ANO4: variants seen among roughly 807,000 people sequenced by gnomAD.
ANO4 encodes the protein anoctamin-4.
A neutral mutation model predicts 141.9 loss-of-function variants in ANO4; 69 were observed. That is an observed-to-expected ratio of 0.49 (90% confidence interval 0.40 to 0.59). The LOEUF is 0.59. ANO4 is among the 20% of genes least tolerant of loss of function. The pLI is 0.00. For missense variants in ANO4, 894 were observed against 1,162.2 expected (o/e 0.77, Z 3.36); for synonymous variants, 350 against 394.3 (o/e 0.89, Z 1.33).
At chr12:100,784,347 C>CT (rs377219945) in intron 3 of ANO4, among the ~76,000 whole-genome samples, 242 of 152,300 alleles carry the variant, frequency 1.6e-3, no homozygotes, top group African/African-American at 5.1e-3. Flanking sequence ...CCCTTGTCCC[C>CT]TTTTGGAACA....
At chr12:101,106,507 A>T (rs1002126034) in intron 22 of ANO4, among the ~76,000 whole-genome samples, 2 of 151,326 alleles carry the variant, frequency 1.3e-5, no homozygotes, top group Non-Finnish European at 2.9e-5. Flanking sequence ...AGGCACAAAA[A>T]TTATTTACAT....
intron 1 of ANO4, among the ~76,000 whole-genome samples, chr12:100,728,103 G>A (rs1222282170): frequency 6.6e-6 from 1 of 151,696 alleles, no homozygotes; most frequent in African/African-American, 2.4e-5. Context: ...ATTTTATATT[G>A]ACAGTAGAGT....
chr12:101,056,777 G>C (rs1230525692), intron 14 of ANO4, among the ~76,000 whole-genome samples: 1 of 151,084 alleles, frequency 6.6e-6, no homozygotes, highest in East Asian at 1.9e-4. Context: ...AGGAACTGAG[G>C]GTTTTAAAAA....
intron 3 of ANO4, among the ~76,000 whole-genome samples, chr12:100,775,098 C>G (rs1480467445): frequency 6.6e-6 from 1 of 152,198 alleles, no homozygotes; most frequent in East Asian, 1.9e-4. Context: ...TAAATCTTCT[C>G]TCCCCAACTG....
intron 1 of ANO4, among the ~76,000 whole-genome samples, chr12:100,803,170 A>G (rs935911762): frequency 1.3e-5 from 2 of 152,180 alleles, no homozygotes; most frequent in East Asian, 3.9e-4. Context: ...TGAGAGGAGC[A>G]GTTTGGGGTG....
intron 1 of ANO4, among the ~76,000 whole-genome samples, chr12:100,802,752 C>T (rs1056922425): frequency 1.2e-4 from 19 of 152,058 alleles, no homozygotes; most frequent in Admixed American, 5.2e-4. Flanking sequence ...TTAGCAAATA[C>T]GAAGCAAGTC....
In ANO4 at chr12:101,116,730, C is replaced by G. The variant is rs1235274384; in HGVS notation, c.2502C>G (p.Asp834Glu). 1 of 1,613,892 alleles carries G rather than the reference C, an allele frequency of 6.2e-7. No homozygotes were observed. Residue 834 changes from aspartate to glutamate, a missense_variant, in exon 25 of 28, where the codon GAC becomes GAG. Physicochemically the swap from Asp to Glu is conservative, Grantham distance 45. Around this residue, in one of 2 missense-constraint regions of ANO4, gnomAD observed 637 missense variants for 909.2 expected, o/e 0.70. Transcript: ENST00000392977. ...NASLSVFRIS[D>E]FENRSEPESD... ...GCTTGTCTGTATTTCGAATTTCTGA[C>G]TTTGAGAACCGATCTGAGCCTGAAT...
At chr12:100,981,636 A>C (rs990146118) in intron 7 of ANO4, among the ~76,000 whole-genome samples, 15 of 152,220 alleles carry the variant, frequency 9.9e-5, no homozygotes, top group Non-Finnish European at 8.8e-5. Context: ...GGTGTCTTCA[A>C]AGTAGGCCTG....
At chr12:101,105,661 G>T (rs907263179) in intron 22 of ANO4, among the ~76,000 whole-genome samples, 1 of 152,152 alleles carries the variant, frequency 6.6e-6, no homozygotes, top group African/African-American at 2.4e-5. Context: ...ATTGGGTTTA[G>T]CACACAGAGA....
At chr12:100,724,819 AAT>A (rs1182255862) in intron 1 of ANO4, among the ~76,000 whole-genome samples, 1 of 152,228 alleles carries the variant, frequency 6.6e-6, no homozygotes, top group Non-Finnish European at 1.5e-5. Flanking sequence ...ATAGGTCTTG[AAT>A]ATTAACTTAC....
chr12:100,943,768 C>G (rs934077915), intron 5 of ANO4, among the ~76,000 whole-genome samples: 1 of 152,198 alleles, frequency 6.6e-6, no homozygotes, highest in Non-Finnish European at 1.5e-5. Context: ...CTTTCCTATA[C>G]AAACTGAGTG....
At chr12:100,952,293 C>T (rs975555042) in intron 5 of ANO4, among the ~76,000 whole-genome samples, 5 of 152,128 alleles carry the variant, frequency 3.3e-5, no homozygotes, top group Non-Finnish European at 7.4e-5. Flanking sequence ...TCTCTCTGTG[C>T]CTTAGTTTCT....
chr12:101,066,840 C>T, intron 14 of ANO4: 1 of 1,395,812 alleles, frequency 7.2e-7, no homozygotes. Flanking sequence ...ATTGACATAC[C>T]TGATGCGCTC....
intron 9 of ANO4, among the ~76,000 whole-genome samples, chr12:101,031,949 A>C (rs1030926551): frequency 6.6e-6 from 1 of 152,200 alleles, no homozygotes; most frequent in Non-Finnish European, 1.5e-5. Context: ...AAACAAATGG[A>C]AAAACATTCC....
chr12:100,782,905 C>T (rs1251752852), intron 3 of ANO4, among the ~76,000 whole-genome samples: 1 of 152,186 alleles, frequency 6.6e-6, no homozygotes, highest in Non-Finnish European at 1.5e-5. Context: ...CTTCCAGACA[C>T]ATATTTCTAC....
At chr12:100,870,679 G>T (rs757131586) in intron 1 of ANO4, among the ~76,000 whole-genome samples, 1 of 151,984 alleles carries the variant, frequency 6.6e-6, no homozygotes, top group Non-Finnish European at 1.5e-5. Flanking sequence ...ATGGACTGGA[G>T]GACAATAAGT....
At chr12:100,765,126 A>G (rs915201002) in intron 3 of ANO4, among the ~76,000 whole-genome samples, 2 of 152,104 alleles carry the variant, frequency 1.3e-5, no homozygotes, top group Non-Finnish European at 2.9e-5. Context: ...TGCTGATTCA[A>G]TCTCCTTTCT....
intron 1 of ANO4, among the ~76,000 whole-genome samples, chr12:100,888,546 G>GA (rs2039950438): frequency 6.6e-6 from 1 of 152,260 alleles, no homozygotes; most frequent in Admixed American, 6.5e-5. Context: ...ATTCACACAG[G>GA]AAGGGAGCAG....
chr12:100,837,397 A>G (rs1286500945), intron 1 of ANO4, among the ~76,000 whole-genome samples: 1 of 152,180 alleles, frequency 6.6e-6, no homozygotes, highest in Non-Finnish European at 1.5e-5. Context: ...TAGGACTTCA[A>G]CAGTCTTGCT....
Sources: gnomAD v4.1 joint callset for allele counts (sites outside exome capture counted in the v4.1 genomes callset) on GRCh38, gnomAD v4.1.1 for gene constraint, gnomAD v4.1.1 regional missense constraint, MANE v1.5 for transcripts, NCBI Gene and HGNC (gene_info 2026-07-23, HGNC 2026-07-21) for gene names.